Variants in GRID1 observed in about 807,000 individuals in gnomAD.
The protein encoded by GRID1 is glutamate ionotropic receptor delta type subunit 1, also known as glutamate receptor ionotropic, delta-1.
A neutral mutation model predicts 98.0 loss-of-function variants in GRID1; 28 were observed. The ratio of observed to expected loss-of-function variants is 0.29; its 90% CI spans 0.21 to 0.39. The LOEUF (loss-of-function observed/expected upper bound fraction) is 0.39. GRID1 is among the 10% of genes least tolerant of loss of function. The probability of loss-of-function intolerance (pLI) is 1.00; values close to 1 mark genes in which losing one functional copy is unlikely to be tolerated. For synonymous variants in GRID1, 553 were observed against 538.5 expected (o/e 1.03, Z -0.37); for missense variants, 1,111 against 1,340.5 (o/e 0.83, Z 2.67).
At chr10:85,707,829 T>C (rs112970162) in intron 12 of GRID1, among the ~76,000 whole-genome samples, 2,745 of 152,198 alleles carry the variant, frequency 0.018, 38 homozygotes, top group Non-Finnish European at 0.029. Flanking sequence ...TGAATGAAGC[T>C]GGAAACCATC....
At chr10:85,901,045 G>A (rs918175507) in intron 5 of GRID1, among the ~76,000 whole-genome samples, 1 of 152,088 alleles carries the variant, frequency 6.6e-6, no homozygotes, top group African/African-American at 2.4e-5. Flanking sequence ...GGTCGCAGCA[G>A]GCCCAGAACA....
At chr10:85,649,936 G>T (rs911305840) in intron 12 of GRID1, 1 of 152,302 alleles carries the variant, frequency 6.6e-6, no homozygotes, top group African/African-American at 2.4e-5. Context: ...TTTGTGCAGA[G>T]GAATCTCTCC....
intron 4 of GRID1, among the ~76,000 whole-genome samples, chr10:86,101,713 CACT>C (rs1230245086): frequency 6.6e-6 from 1 of 150,548 alleles, no homozygotes; most frequent in Non-Finnish European, 1.5e-5. Flanking sequence ...AATCATAGCT[CACT>C]GCAGCCTCAA....
At chr10:85,988,924 CA>C (rs1407102468) in intron 4 of GRID1, among the ~76,000 whole-genome samples, 1 of 152,190 alleles carries the variant, frequency 6.6e-6, no homozygotes, top group Non-Finnish European at 1.5e-5. Flanking sequence ...GGAGGCAGGG[CA>C]CACCTTTTGG....
intron 4 of GRID1, among the ~76,000 whole-genome samples, chr10:86,114,143 G>A (rs1844535709): frequency 6.6e-6 from 1 of 152,140 alleles, no homozygotes; most frequent in South Asian, 2.1e-4. Flanking sequence ...TGCACAGGGT[G>A]GGGCGGGGGT....
chr10:85,876,937 T>G (rs921992482), intron 5 of GRID1, among the ~76,000 whole-genome samples: 4 of 152,172 alleles, frequency 2.6e-5, no homozygotes, highest in African/African-American at 7.2e-5. Context: ...CTTAAAAAAT[T>G]GCACACCAGG....
intron 12 of GRID1, among the ~76,000 whole-genome samples, chr10:85,690,212 T>C (rs112499186): frequency 6.6e-6 from 1 of 152,192 alleles, no homozygotes; most frequent in African/African-American, 2.4e-5. Context: ...TTAGATTTAA[T>C]TGTCTTTAAA....
chr10:85,606,302 T>C (rs921971841), intron 15 of GRID1: 1 of 152,176 alleles, frequency 6.6e-6, no homozygotes, highest in Non-Finnish European at 1.5e-5. Context: ...CTACACCAAA[T>C]GGACAAACGT....
chr10:86,326,256 A>T (rs1374236654), intron 2 of GRID1, among the ~76,000 whole-genome samples: 1 of 152,198 alleles, frequency 6.6e-6, no homozygotes, highest in African/African-American at 2.4e-5. Flanking sequence ...GGGGAGACAC[A>T]CTATGCCCCG....
In GRID1 at chr10:86,192,521, G is replaced by GTTCCCTACAGCCCTC. The variant is rs1564702548; in HGVS notation, c.520+13842_520+13843insGAGGGCTGTAGGGAA. Among the ~76,000 whole-genome samples, 12 of 151,286 alleles carry GTTCCCTACAGCCCTC rather than the reference G, an allele frequency of 7.9e-5. No homozygotes were observed. Among genetic ancestry groups the GTTCCCTACAGCCCTC allele is most frequent in the Non-Finnish European group, 1.5e-4 (10 of 67,652 alleles). On this transcript the variant is annotated intron_variant, in intron 3 of 15. Transcript: ENST00000327946. This position sits in a 1 kb window ranked among gnomAD's most constrained non-coding sequence, Gnocchi z 4.8. ...GACAGGAAGGAGAACAGTGGGTGCT[G>GTTCCCTACAGCCCTC]AGGGCTGAAGGGAGGGGGGAGATGG...
At chr10:85,901,770 G>A (rs954633181) in intron 5 of GRID1, among the ~76,000 whole-genome samples, 5 of 152,044 alleles carry the variant, frequency 3.3e-5, no homozygotes, top group East Asian at 3.9e-4. Flanking sequence ...CTTCTTCCTC[G>A]GTCCTGCTCC....
At chr10:86,331,492 A>G (rs1848142047) in intron 2 of GRID1, among the ~76,000 whole-genome samples, 1 of 152,202 alleles carries the variant, frequency 6.6e-6, no homozygotes, top group Admixed American at 6.5e-5. Flanking sequence ...AGGTGTACAA[A>G]GTGCCCACAA....
chr10:86,258,564 G>A (rs1441047670), intron 2 of GRID1, among the ~76,000 whole-genome samples: 1 of 152,124 alleles, frequency 6.6e-6, no homozygotes, highest in African/African-American at 2.4e-5. Context: ...AGGCTTGAGG[G>A]AGAAGCCCCC....
intron 13 of GRID1, among the ~76,000 whole-genome samples, chr10:85,637,156 A>G (rs574078526): frequency 1.9e-4 from 29 of 152,252 alleles, no homozygotes; most frequent in Non-Finnish European, 3.7e-4. Context: ...ATATTTTTAT[A>G]GCATTATAAT....
At chr10:85,888,887 T>C (rs1841155462) in intron 5 of GRID1, among the ~76,000 whole-genome samples, 1 of 152,182 alleles carries the variant, frequency 6.6e-6, no homozygotes, top group Non-Finnish European at 1.5e-5. Context: ...AAAACTCCAT[T>C]TCACCCATCC....
intron 2 of GRID1, among the ~76,000 whole-genome samples, chr10:86,231,674 G>A (rs747187109): frequency 7.9e-5 from 12 of 152,178 alleles, no homozygotes; most frequent in Non-Finnish European, 1.3e-4. Flanking sequence ...TCTCCAAAGG[G>A]TATTTGCTAC....
chr10:85,865,944 C>CATATATATATATATATATAT (rs1244958360), intron 6 of GRID1, among the ~76,000 whole-genome samples: 1 of 65,804 alleles, frequency 1.5e-5, no homozygotes, highest in Non-Finnish European at 2.8e-5. Flanking sequence ...TATATATATA[C>CATATATATATATATATATAT]ACATATATAT....
At chr10:86,358,572 C>G (rs2132121731) in intron 2 of GRID1, among the ~76,000 whole-genome samples, 1 of 152,020 alleles carries the variant, frequency 6.6e-6, no homozygotes, top group East Asian at 1.9e-4. Flanking sequence ...TCCTGGCTAA[C>G]ACAGTGAAAT....
At chr10:86,352,083 A>T (rs1848471289) in intron 2 of GRID1, among the ~76,000 whole-genome samples, 1 of 152,218 alleles carries the variant, frequency 6.6e-6, no homozygotes, top group Non-Finnish European at 1.5e-5. Flanking sequence ...CGAGCGGATC[A>T]CAAGGTCAGG....
Sources: gnomAD v4.1 joint callset for allele counts (sites outside exome capture counted in the v4.1 genomes callset) on GRCh38, gnomAD v4.1.1 for gene constraint, Gnocchi (gnomAD v3.1) non-coding constraint, MANE v1.5 for transcripts, NCBI Gene and HGNC (gene_info 2026-07-23, HGNC 2026-07-21) for gene names.